The following RNF180 variants were observed in gnomAD, a reference collection of about 807,000 sequenced individuals.
The protein encoded by RNF180 is E3 ubiquitin-protein ligase RNF180.
RNF180 carries 38 observed loss-of-function variants against 59.2 expected under a neutral mutation model. The ratio of observed to expected loss-of-function variants is 0.64; its 90% CI spans 0.50 to 0.84. The LOEUF (loss-of-function observed/expected upper bound fraction) is 0.84. Among genes scored for constraint, RNF180 ranks in the 40% least tolerant of loss-of-function variants. RNF180 has a pLI of 0.00. For synonymous variants in RNF180, 262 were observed against 240.3 expected (o/e 1.09, Z -0.84); for missense variants, 705 against 700.9 (o/e 1.01, Z -0.07).
intron 1 of RNF180, among the ~76,000 whole-genome samples, chr5:64,169,170 T>A (rs1200551950): frequency 6.6e-6 from 1 of 152,206 alleles, no homozygotes; most frequent in East Asian, 1.9e-4. Flanking sequence ...GCACTGAGCA[T>A]GAGTGACTCC....
At chr5:64,205,266 T>C (rs1170528340) in intron 2 of RNF180, among the ~76,000 whole-genome samples, 1 of 152,108 alleles carries the variant, frequency 6.6e-6, no homozygotes, top group Non-Finnish European at 1.5e-5. Context: ...ACTGGGATAT[T>C]TGAGCTTTAG....
chr5:64,344,822 G>A (rs6449718), intron 7 of RNF180, among the ~76,000 whole-genome samples: 67,626 of 151,230 alleles, frequency 0.45, 16,474 homozygotes, highest in African/African-American at 0.65. Context: ...TCTGAATTCT[G>A]CTTCATCTGT....
chr5:64,180,592 C>T (rs1052574550), intron 1 of RNF180, among the ~76,000 whole-genome samples: 3 of 152,014 alleles, frequency 2.0e-5, no homozygotes, highest in Admixed American at 6.5e-5. Context: ...GAGGAAGTAC[C>T]TTAATTAAGA....
intron 5 of RNF180, among the ~76,000 whole-genome samples, chr5:64,299,011 C>G (rs1743031245): frequency 6.6e-6 from 1 of 151,854 alleles, no homozygotes; most frequent in Non-Finnish European, 1.5e-5. Context: ...GTTAGTATGG[C>G]CTTTGGTAGG....
chr5:64,206,425 A>G (rs1276973523), intron 2 of RNF180, among the ~76,000 whole-genome samples: 1 of 152,196 alleles, frequency 6.6e-6, no homozygotes, highest in Non-Finnish European at 1.5e-5. Flanking sequence ...TTATTAGAGT[A>G]TATACCTCCT....
intron 5 of RNF180, among the ~76,000 whole-genome samples, chr5:64,312,408 C>G (rs1249523556): frequency 6.6e-6 from 1 of 151,982 alleles, no homozygotes; most frequent in Non-Finnish European, 1.5e-5. Flanking sequence ...TGGGACAGTA[C>G]CTGGTACGTA....
At position 64,325,231 on chromosome 5, in the gene RNF180, G is replaced by A; in HGVS notation, c.1273G>A (p.Glu425Lys). 1.3e-6 allele frequency: 2 copies of A among 1,551,518 alleles called. No homozygotes were observed. The highest frequency in any genetic ancestry group is 1.4e-5 in the African/African-American group (1 of 73,160). Reference protein sequence around the residue: ...MSTDEDNEYAEEKDSYICAVC... With the variant: ...MSTDEDNEYAKEKDSYICAVC... ...TACAGATGAAGACAATGAATATGCA[G>A]AAGAAAAGGATAGCTACATCTGTGC... The change falls in exon 6 of 8, where the codon GAA becomes AAA. Residue 425 changes from glutamate (E) to lysine (K), a missense_variant. Coordinates refer to ENST00000389100, the MANE Select transcript of RNF180 (RefSeq NM_001113561.2).
chr5:64,212,823 T>C (rs1353344760), intron 3 of RNF180, among the ~76,000 whole-genome samples: 1 of 152,218 alleles, frequency 6.6e-6, no homozygotes, highest in African/African-American at 2.4e-5. Flanking sequence ...TTTGGAAATA[T>C]ATAATTACAT....
intron 5 of RNF180, among the ~76,000 whole-genome samples, chr5:64,324,023 A>G (rs1309169765): frequency 6.6e-6 from 1 of 152,204 alleles, no homozygotes; most frequent in Non-Finnish European, 1.5e-5. Flanking sequence ...CCAATCTACT[A>G]TCAGTGACTT....
intron 1 of RNF180, among the ~76,000 whole-genome samples, chr5:64,193,494 A>G (rs1379924162): frequency 6.6e-6 from 1 of 152,148 alleles, no homozygotes; most frequent in Non-Finnish European, 1.5e-5. Flanking sequence ...AGTCCATATA[A>G]AGGATAGCAA....
chr5:64,317,095 CAT>C (rs1744077507), intron 5 of RNF180, among the ~76,000 whole-genome samples: 1 of 152,254 alleles, frequency 6.6e-6, no homozygotes, highest in African/African-American at 2.4e-5. Context: ...AAAAAATCCA[CAT>C]ATAAGTGGAC....
At chr5:64,289,277 G>T (rs181745574) in intron 5 of RNF180, among the ~76,000 whole-genome samples, 108 of 152,246 alleles carry the variant, frequency 7.1e-4, no homozygotes, top group African/African-American at 2.5e-3. Flanking sequence ...TTGATGTGCT[G>T]CTGGATTCTG....
At chr5:64,170,400 G>A (rs1422732868) in intron 1 of RNF180, among the ~76,000 whole-genome samples, 1 of 152,188 alleles carries the variant, frequency 6.6e-6, no homozygotes, top group Admixed American at 6.5e-5. Context: ...CTATAAGAGG[G>A]ACCAGTAGCA....
chr5:64,310,090 A>G (rs1230722456), intron 5 of RNF180, among the ~76,000 whole-genome samples: 1 of 151,748 alleles, frequency 6.6e-6, no homozygotes, highest in Non-Finnish European at 1.5e-5. Context: ...CTCATATCAA[A>G]AAACTTACAA....
Position 64,223,035 on chromosome 5 carries a change from A to G in RNF180, c.1227+5639A>G, listed in dbSNP as rs1021508707. Among the ~76,000 whole-genome samples, 8 of 152,344 alleles carry G rather than the reference A, an allele frequency of 5.3e-5. 1 individual carries two copies. Among genetic ancestry groups the G allele is most frequent in the African/African-American group, 1.9e-4 (8 of 41,576 alleles). ...CTATAAACATTGGTTAAAATAACAC[A>G]GTTTTATCATCTTATAGTTCTGAAG... On this transcript the variant is annotated intron_variant, in intron 5 of 7. Transcript: ENST00000389100.
At position 64,371,674 on chromosome 5, in the gene RNF180, G is replaced by T. The variant is rs1416679538; in HGVS notation, c.*1860G>T. ...ATAATCTGGAAAAGCATTCAAAATG[G>T]ATTGAGTATATTTATCTTGACTAAT... On this transcript the variant is annotated 3_prime_UTR_variant, in exon 8 of 8. Transcript: ENST00000389100. 1 of 151,446 alleles carries T rather than the reference G, an allele frequency of 6.6e-6. No homozygotes were observed. Among genetic ancestry groups the T allele is most frequent in the Non-Finnish European group, 1.5e-5 (1 of 67,646 alleles). The allele number at this position is 151,446 out of a possible 1,614,324, so 9.4% of individuals were successfully genotyped here. A position where few individuals can be genotyped will look rare whatever the true frequency, so the allele number is the denominator to read the frequency against.
In RNF180 at chr5:64,214,130, CT is replaced by C; in HGVS notation, c.806del (p.Leu269CysfsTer46). ...AAACACAGCCTATTGACCTTTCAGG[CT>C]TGCCTTTACAATCTAGTAAAAATAG... ...NETQPIDLSG[L>X]PLQSSKNSYS... On this transcript the variant is annotated frameshift_variant, in exon 4 of 8. Transcript: ENST00000389100. LOFTEE classifies it high-confidence loss of function. 6.2e-7 allele frequency: 1 copy of C among 1,614,098 alleles called. No individual in the cohort carries two copies. Among genetic ancestry groups the C allele is most frequent in the Non-Finnish European group, 8.5e-7 (1 of 1,179,990 alleles).
At chr5:64,239,318 T>C (rs1177573310) in intron 5 of RNF180, among the ~76,000 whole-genome samples, 3 of 152,292 alleles carry the variant, frequency 2.0e-5, no homozygotes, top group Non-Finnish European at 2.9e-5. Context: ...GTGACTCATA[T>C]GCTCTTTAAT....
At chr5:64,300,554 T>C (rs1209204542) in intron 5 of RNF180, among the ~76,000 whole-genome samples, 1 of 151,854 alleles carries the variant, frequency 6.6e-6, no homozygotes, top group East Asian at 1.9e-4. Flanking sequence ...AATTTGGTAC[T>C]AGCTGTGGTT....
Sources: gnomAD v4.1 joint callset for allele counts (sites outside exome capture counted in the v4.1 genomes callset) on GRCh38, gnomAD v4.1.1 for gene constraint, MANE v1.5 for transcripts, NCBI Gene and HGNC (gene_info 2026-07-23, HGNC 2026-07-21) for gene names.